The following PCID2 variants were observed in gnomAD, a reference collection of about 807,000 sequenced individuals.
PCID2 encodes the protein PCI domain-containing protein 2.
In PCID2, 41 loss-of-function variants were observed where a neutral mutation model predicts 61.3. That is an observed-to-expected ratio of 0.67 (90% confidence interval 0.52 to 0.87). The LOEUF is 0.87. PCID2 is among the 40% of genes least tolerant of loss of function. The probability of loss-of-function intolerance (pLI) is 0.00; values close to 1 mark genes in which losing one functional copy is unlikely to be tolerated. For synonymous variants in PCID2, 187 were observed against 177.8 expected, an observed-to-expected ratio of 1.05 and a Z score of -0.41; for missense variants, 392 against 493.4, an observed-to-expected ratio of 0.79 and a Z score of 1.95.
intron 1 of PCID2, among the ~76,000 whole-genome samples, chr13:113,202,688 TTA>T (rs1385735151): frequency 6.6e-6 from 1 of 152,190 alleles, no homozygotes; most frequent in East Asian, 1.9e-4. Context: ...ATATGTGTGT[TTA>T]TGTCTGTGTG....
downstream of PCID2, among the ~76,000 whole-genome samples, chr13:113,176,538 A>AATTGCCCCGACAGAACTGTGGCCTTGGG: frequency 2.0e-5 from 1 of 50,748 alleles, no homozygotes; most frequent in African/African-American, 7.3e-5. Context: ...GAGGTGGGGG[A>AATTGCCCCGACAGAACTGTGGCCTTGGG]ATTGCTTTAG....
At chr13:113,201,381 C>T (rs1312661044) in intron 1 of PCID2, among the ~76,000 whole-genome samples, 1 of 152,160 alleles carries the variant, frequency 6.6e-6, no homozygotes, top group Non-Finnish European at 1.5e-5. Context: ...GAATGCAGGG[C>T]CTGTACCATA....
chr13:113,187,752 C>T (rs1382644092), intron 7 of PCID2: 1 of 152,102 alleles, frequency 6.6e-6, no homozygotes, highest in East Asian at 1.9e-4. Context: ...GGATATTAGG[C>T]CCTTATCAGA....
chr13:113,171,336 A>G, the PCID2 span, among the ~76,000 whole-genome samples: 1 of 152,086 alleles, frequency 6.6e-6, no homozygotes, highest in African/African-American at 2.4e-5. This position sits in a 1 kb window ranked among gnomAD's most constrained non-coding sequence, Gnocchi z 5.1. Flanking sequence ...TCATTTCACC[A>G]CACCCCACTG....
the PCID2 span, among the ~76,000 whole-genome samples, chr13:113,167,339 C>T: frequency 6.6e-6 from 1 of 152,190 alleles, no homozygotes; most frequent in Non-Finnish European, 1.5e-5. Context: ...TATTCATAAA[C>T]ACATGAAGAG....
intron 7 of PCID2, among the ~76,000 whole-genome samples, chr13:113,189,788 C>T (rs191350468): frequency 1.3e-4 from 19 of 151,504 alleles, no homozygotes; most frequent in African/African-American, 4.1e-4. Flanking sequence ...TTTGGGAGGC[C>T]GAGGAGGGTG....
chr13:113,185,814 C>G, intron 7 of PCID2: 1 of 362,796 alleles, frequency 2.8e-6, no homozygotes, highest in Non-Finnish European at 5.0e-6. Flanking sequence ...GAGTAACATC[C>G]TTCCTCCGCG....
In PCID2 at chr13:113,196,931, C is replaced by T. The variant is rs534403907; in HGVS notation, c.266+247G>A. The T allele has an allele frequency of 3.0e-6, 3 of 985,862 alleles. No homozygotes were observed. The African/African-American group carries it at 4.8e-5, about 16-fold the overall frequency. The allele number at this position is 985,862 out of a possible 1,614,324, so 61.1% of individuals were successfully genotyped here. The stretch of plus-strand genomic sequence containing the variant: ...CTAAAGGCAACAAAGCATTCTTCTT[C>T]TCAGCAGAGTAAGATCCTTCTTCCT... On this transcript the variant is annotated intron_variant, in intron 4 of 13. Transcript: ENST00000337344.
intron 1 of PCID2, among the ~76,000 whole-genome samples, chr13:113,201,850 A>G (rs2039461694): frequency 2.0e-5 from 3 of 151,538 alleles, no homozygotes. Flanking sequence ...TAAAAATTCT[A>G]ACTAAGAAAA....
At chr13:113,207,637 C>A (rs2039993222) in intron 1 of PCID2, among the ~76,000 whole-genome samples, 1 of 152,160 alleles carries the variant, frequency 6.6e-6, no homozygotes, top group Non-Finnish European at 1.5e-5. Context: ...CTGTTTTAAC[C>A]AGTTTTCTCA....
intron 1 of PCID2, among the ~76,000 whole-genome samples, chr13:113,202,883 T>TAAAATTGAAACAAATAGAAAATACATACA (rs1364551100): frequency 1.2e-4 from 18 of 152,154 alleles, no homozygotes; most frequent in Non-Finnish European, 1.5e-5. Flanking sequence ...AGACAAACCT[T>TAAAATTGAAACAAATAGAAAATACATACA]AAAATTGAAA....
chr13:113,196,662 A>C (rs890072429), intron 4 of PCID2, among the ~76,000 whole-genome samples: 9 of 152,238 alleles, frequency 5.9e-5, no homozygotes, highest in Non-Finnish European at 1.3e-4. Context: ...AAGGTGGTTA[A>C]AACGAAAAGA....
downstream of PCID2, among the ~76,000 whole-genome samples, chr13:113,177,353 T>C (rs909398448): frequency 6.6e-6 from 1 of 151,790 alleles, no homozygotes; most frequent in African/African-American, 2.4e-5. Context: ...GTCAGGCTGG[T>C]CTCCAACTCT....
Position 113,178,274 on chromosome 13 carries a change from C to A in PCID2, c.1124G>T (p.Gly375Val). Reference sequence around the variant, plus strand: ...CTTCTGATGCTGATGCGATATGTAGCCTTTGACGTGTCCCTGCGGGGCAGA... The same window carrying A: ...CTTCTGATGCTGATGCGATATGTAGACTTTGACGTGTCCCTGCGGGGCAGA... ...ANLIYMGHVKGYISHQHQKLV... is the reference protein window; with the variant it reads ...ANLIYMGHVKVYISHQHQKLV... The change falls in exon 14 of 14, where the codon GGC becomes GTC. Residue 375 changes from glycine to valine, a missense_variant. By Grantham distance (109) the Gly-to-Val change is moderately radical. Transcript: ENST00000337344. 3.7e-6 allele frequency: 6 copies of A among 1,613,474 alleles called. No individual in the cohort carries two copies. The highest frequency in any genetic ancestry group is 5.1e-6 in the Non-Finnish European group (6 of 1,179,550).
At chr13:113,171,359 G>A in the PCID2 span, among the ~76,000 whole-genome samples, 1 of 152,136 alleles carries the variant, frequency 6.6e-6, no homozygotes, top group African/African-American at 2.4e-5. This position sits in a 1 kb window ranked among gnomAD's most constrained non-coding sequence, Gnocchi z 5.1. Context: ...CTCCAAAACA[G>A]AAGAACTAAC....
chr13:113,204,861 C>T (rs922706286), intron 1 of PCID2, among the ~76,000 whole-genome samples: 5 of 152,200 alleles, frequency 3.3e-5, no homozygotes, highest in Non-Finnish European at 7.3e-5. Flanking sequence ...CTTAACAGCT[C>T]ATGCTGCAGA....
rs558203579 is a variant in PCID2, at chr13:113,205,691, C to G, written c.36+2908G>C. Among the ~76,000 whole-genome samples, 3 of 152,326 alleles carry G rather than the reference C, an allele frequency of 2.0e-5. No individual in the cohort carries two copies. The South Asian group carries it at 6.2e-4, about 32-fold the overall frequency. ...CGACACACTGACACATGTTCCAACACAGATGAACCCTGAAAACATGATGCA... is the reference window on the plus strand; with the variant it reads ...CGACACACTGACACATGTTCCAACAGAGATGAACCCTGAAAACATGATGCA... On this transcript the variant is annotated intron_variant, in intron 1 of 13. Coordinates refer to ENST00000337344, the MANE Select transcript of PCID2 (RefSeq NM_001127202.4).
In PCID2 at chr13:113,198,233, A is replaced by C; in HGVS notation, c.158T>G (p.Val53Gly). ...CATTTCATCATAAGGGGGTTCCAAG[A>C]CTTGTTGACACTTCTCCTCTGGAGA... ...MASPEEKCQQ[V>G]LEPPYDEMFA... Residue 53 changes from valine (V) to glycine (G), a missense_variant, in exon 3 of 14, where the codon GTC (valine) becomes GGC (glycine). Coordinates refer to ENST00000337344, the MANE Select transcript of PCID2 (RefSeq NM_001127202.4). 1 of 1,609,402 alleles carries C rather than the reference A, an allele frequency of 6.2e-7. No homozygotes were observed. The highest frequency in any genetic ancestry group is 8.5e-7 in the Non-Finnish European group (1 of 1,178,022).
the PCID2 span, among the ~76,000 whole-genome samples, chr13:113,165,820 C>T: frequency 6.6e-6 from 1 of 152,238 alleles, no homozygotes; most frequent in Non-Finnish European, 1.5e-5. Context: ...CGTGAGCCAC[C>T]ACGCCTGGCC....
Sources: gnomAD v4.1 joint callset for allele counts (sites outside exome capture counted in the v4.1 genomes callset) on GRCh38, gnomAD v4.1.1 for gene constraint, Gnocchi (gnomAD v3.1) non-coding constraint, MANE v1.5 for transcripts, NCBI Gene and HGNC (gene_info 2026-07-23, HGNC 2026-07-21) for gene names.